LLPH: variants seen among roughly 807,000 people sequenced by gnomAD.
The protein encoded by LLPH is LLP homolog, long-term synaptic facilitation factor.
In LLPH, 5 loss-of-function variants were observed where a neutral mutation model predicts 13.3. That is an observed-to-expected ratio of 0.38 (90% CI 0.20 to 0.79). The LOEUF is 0.79. LLPH is among the 30% of genes least tolerant of loss of function. LLPH has a pLI of 0.45. For synonymous variants in LLPH, 32 were observed against 44.2 expected (o/e 0.72, Z 1.09); for missense variants, 129 against 152.1 (o/e 0.85, Z 0.80).
chr12:66,116,599 G>A lies in LLPH; in HGVS notation c.*7241C>T, dbSNP rs560360067. 3 of 152,230 alleles carry A rather than the reference G, an allele frequency of 2.0e-5. No homozygotes were observed. The South Asian group carries it at 6.2e-4, about 32-fold the overall frequency. 9.4% of individuals were successfully genotyped at this position (152,230 alleles called of 1,614,324 possible). On this transcript the variant is annotated 3_prime_UTR_variant, in exon 3 of 3. Coordinates refer to ENST00000266604, the MANE Select transcript of LLPH (RefSeq NM_032338.4). ...ATTACATGGATCAGAAATACCACATGTACTAACAGTTGCTGTACAATGATA... is the reference window on the plus strand; with the variant it reads ...ATTACATGGATCAGAAATACCACATATACTAACAGTTGCTGTACAATGATA...
rs1273299178 is a variant in LLPH at position 66,124,024 on chromosome 12, T to C, written c.212-6A>G. 3 of 1,589,354 alleles carry C rather than the reference T, an allele frequency of 1.9e-6. No homozygotes were observed. The highest frequency in any genetic ancestry group is 1.7e-6 in the Non-Finnish European group (2 of 1,168,558). On this transcript the variant is annotated splice_polypyrimidine_tract_variant and splice_region_variant and intron_variant, in intron 2 of 2. Transcript: ENST00000266604. ...AGTCTCCATTTTCATGTCATCTGCA[T>C]AAAAAGATGGAAAAACTATTAACAC... is the stretch of plus-strand genomic sequence containing the variant.
chr12:66,127,138 G>A (rs554353047), intron 2 of LLPH, among the ~76,000 whole-genome samples: 1 of 152,306 alleles, frequency 6.6e-6, no homozygotes, highest in East Asian at 1.9e-4. Flanking sequence ...GTAAAATAGT[G>A]TGGCTGATGT....
In LLPH at chr12:66,123,462, ACTTT is replaced by A. The variant is rs2051476728; in HGVS notation, c.*374_*377del. The stretch of plus-strand genomic sequence containing the variant: ...TTTTAAATGATATGATTATACAACA[ACTTT>A]CTTTAAAATCTAAGTTCACAAAAAT... On this transcript the variant is annotated 3_prime_UTR_variant, in exon 3 of 3. Transcript: ENST00000266604. The A allele has an allele frequency of 5.4e-6, 1 of 185,148 alleles. No homozygotes were observed. Among genetic ancestry groups the A allele is most frequent in the Non-Finnish European group, 1.1e-5 (1 of 89,540 alleles). The allele number at this position is 185,148 out of a possible 1,614,324, so 11.5% of individuals were successfully genotyped here.
intron 1 of LLPH, 39 bp from the exon 2 acceptor site, chr12:66,129,152 T>A: frequency 7.3e-7 from 1 of 1,365,084 alleles, no homozygotes. Flanking sequence ...AGCAAATCTT[T>A]AATATAAAAA....
rs2051474503 is a variant in LLPH, at chr12:66,123,159, CCTA to C, written c.*678_*680del. On this transcript the variant is annotated 3_prime_UTR_variant, in exon 3 of 3. Transcript: ENST00000266604. ...ATTTTTTTTTTTTTTGAGACAGAGT[CCTA>C]CTCCATTGCCCAGGGTGGAGTGCAG... 1 of 150,632 alleles carries C rather than the reference CCTA, an allele frequency of 6.6e-6. No individual in the cohort carries two copies. Among genetic ancestry groups the C allele is most frequent in the Admixed American group, 6.6e-5 (1 of 15,150 alleles). 9.3% of individuals were successfully genotyped at this position (150,632 alleles called of 1,614,324 possible).
rs544744013 is a variant in LLPH, at chr12:66,118,298, G to C, written c.*5542C>G. 2.0e-5 allele frequency: 3 copies of C among 151,096 alleles called. No individual in the cohort carries two copies. Among genetic ancestry groups the C allele is most frequent in the African/African-American group, 7.3e-5 (3 of 41,030 alleles). 9.4% of individuals were successfully genotyped at this position (151,096 alleles called of 1,614,324 possible). On this transcript the variant is annotated 3_prime_UTR_variant, in exon 3 of 3. Coordinates refer to ENST00000266604, the MANE Select transcript of LLPH (RefSeq NM_032338.4). ...GAATTGCTTGAACCCAGGAGGTGGA[G>C]GTTGAGGTGAGCTGAGATTGCGCCA...
At position 66,123,804 on chromosome 12, in the gene LLPH, T is replaced by C. The variant is rs767139886; in HGVS notation, c.*36A>G. 1 of 1,606,384 alleles carries C rather than the reference T, an allele frequency of 6.2e-7. No homozygotes were observed. The highest frequency in any genetic ancestry group is 2.2e-5 in the East Asian group (1 of 44,858). On this transcript the variant is annotated 3_prime_UTR_variant, in exon 3 of 3. Transcript: ENST00000266604. ...CATGTGTATACATTCTAATCCGTCATCTATCCCATGTGGCATTTTCCAAGG... is the reference window on the plus strand; with the variant it reads ...CATGTGTATACATTCTAATCCGTCACCTATCCCATGTGGCATTTTCCAAGG...
In LLPH at chr12:66,123,635, C is replaced by T; in HGVS notation, c.*205G>A. The T allele has an allele frequency of 1.7e-6, 1 of 587,178 alleles. No individual in the cohort carries two copies. Among genetic ancestry groups the T allele is most frequent in the Non-Finnish European group, 3.0e-6 (1 of 334,536 alleles). 36.4% of individuals were successfully genotyped at this position (587,178 alleles called of 1,614,324 possible). Reference sequence around the variant, plus strand: ...GCATCCAGTTAAAGTATCAGTAGAGCTTGGATGTATCAAAGAAAATATTTT... The same window carrying T: ...GCATCCAGTTAAAGTATCAGTAGAGTTTGGATGTATCAAAGAAAATATTTT... On this transcript the variant is annotated 3_prime_UTR_variant, in exon 3 of 3. Coordinates refer to ENST00000266604, the MANE Select transcript of LLPH (RefSeq NM_032338.4).
chr12:66,126,189 T>C (rs1223140926), intron 2 of LLPH, among the ~76,000 whole-genome samples: 1 of 151,848 alleles, frequency 6.6e-6, no homozygotes, highest in Non-Finnish European at 1.5e-5. Context: ...CCGGGTGTGA[T>C]CGCAGGCGCC....
intron 2 of LLPH, among the ~76,000 whole-genome samples, chr12:66,128,636 CAT>C: frequency 6.6e-6 from 1 of 152,206 alleles, no homozygotes; most frequent in East Asian, 1.9e-4. Context: ...TAATCCAAAA[CAT>C]ATGTATATAC....
chr12:66,130,421 C>T (rs10878383), intron 1 of LLPH: 46,755 of 152,100 alleles, frequency 0.31, 7,601 homozygotes, highest in South Asian at 0.41. Context: ...TAACTCAACC[C>T]TTGCGAGGGG....
rs2051460133 is a variant in LLPH at position 66,121,101 on chromosome 12, T to C, written c.*2739A>G. 1 of 152,098 alleles carries C rather than the reference T, an allele frequency of 6.6e-6. No homozygotes were observed. Among genetic ancestry groups the C allele is most frequent in the Admixed American group, 6.5e-5 (1 of 15,280 alleles). 9.4% of individuals were successfully genotyped at this position (152,098 alleles called of 1,614,324 possible). A position where few individuals can be genotyped will look rare whatever the true frequency, so the allele number is the denominator to read the frequency against. ...GGACAAACTTCATGACTGGACACAA[T>C]GAAGTGAAAATCCTAACATCAGAGA... On this transcript the variant is annotated 3_prime_UTR_variant, in exon 3 of 3. Transcript: ENST00000266604.
chr12:66,128,878 AAGG>A lies in LLPH; in HGVS notation c.211+15_211+17del. On this transcript the variant is annotated intron_variant, in intron 2 of 2. Coordinates refer to ENST00000266604, the MANE Select transcript of LLPH (RefSeq NM_032338.4). ...AAAAAAAAAAAAAAAGAGAAAGAAA[AAGG>A]AGAAGCACACTCACCTTTTTCATCT... 2 of 1,556,658 alleles carry A rather than the reference AAGG, an allele frequency of 1.3e-6. No homozygotes were observed. The highest frequency in any genetic ancestry group is 1.7e-6 in the Non-Finnish European group (2 of 1,148,116).
At position 66,121,349 on chromosome 12, in the gene LLPH, C is replaced by T. The variant is rs1171222065; in HGVS notation, c.*2491G>A. ...TCAGGCTGGAGTGCAATGGTGTGGTCTTGACTCACTGCAACCTCTGCCTCC... is the reference window on the plus strand; with the variant it reads ...TCAGGCTGGAGTGCAATGGTGTGGTTTTGACTCACTGCAACCTCTGCCTCC... On this transcript the variant is annotated 3_prime_UTR_variant, in exon 3 of 3. Coordinates refer to ENST00000266604, the MANE Select transcript of LLPH (RefSeq NM_032338.4). 2 of 137,740 alleles carry T rather than the reference C, an allele frequency of 1.5e-5. No homozygotes were observed. Among genetic ancestry groups the T allele is most frequent in the Admixed American group, 8.1e-5 (1 of 12,364 alleles). The allele number at this position is 137,740 out of a possible 1,614,324, so 8.5% of individuals were successfully genotyped here.
At chr12:66,128,868 GAGAA>G (rs2051514110) in intron 2 of LLPH, 24 bp downstream of exon 2, 11 of 1,000,454 alleles carry the variant, frequency 1.1e-5, no homozygotes, top group East Asian at 8.7e-5. Context: ...AAAAAAAAAA[GAGAA>G]AGAAAAAGGA....
In LLPH at chr12:66,121,711, CCT is replaced by C. The variant is rs1311122300; in HGVS notation, c.*2127_*2128del. On this transcript the variant is annotated 3_prime_UTR_variant, in exon 3 of 3. Coordinates refer to ENST00000266604, the MANE Select transcript of LLPH (RefSeq NM_032338.4). Reference sequence around the variant, plus strand: ...ACCAGCCTGGGCAACATGGCGAAACCCTGTCTCTACAAAAATACAAAAATTAG... The same window carrying C: ...ACCAGCCTGGGCAACATGGCGAAACCGTCTCTACAAAAATACAAAAATTAG... The C allele has an allele frequency of 1.3e-5, 2 of 151,254 alleles. No individual in the cohort carries two copies. The highest frequency in any genetic ancestry group is 2.9e-5 in the Non-Finnish European group (2 of 67,916). 9.4% of individuals were successfully genotyped at this position (151,254 alleles called of 1,614,324 possible).
rs1441489849 is a variant in LLPH, at chr12:66,122,580, A to AAAAGTAAAAT, written c.*1250_*1259dup. ...AATGCTAAGTTTAGATTGCTTAACT[A>AAAAGTAAAAT]AAAGTAAAATAAAAATGAATTTAGC... On this transcript the variant is annotated 3_prime_UTR_variant, in exon 3 of 3. Transcript: ENST00000266604. 2 of 152,228 alleles carry AAAAGTAAAAT rather than the reference A, an allele frequency of 1.3e-5. No individual in the cohort carries two copies. Among genetic ancestry groups the AAAAGTAAAAT allele is most frequent in the Non-Finnish European group, 2.9e-5 (2 of 68,046 alleles). 9.4% of individuals were successfully genotyped at this position (152,228 alleles called of 1,614,324 possible). A position where few individuals can be genotyped will look rare whatever the true frequency, so the allele number is the denominator to read the frequency against.
rs2051516265 is a variant in LLPH, at chr12:66,129,036, T to G, written c.71A>C (p.Lys24Thr). Residue 24 changes from lysine to threonine, a missense_variant, in exon 2 of 3, where the codon AAG becomes ACG. Lys to Thr is a moderately conservative substitution (Grantham distance 78). Coordinates refer to ENST00000266604, the MANE Select transcript of LLPH (RefSeq NM_032338.4). ...AATACTTTTAAGCCTGCTGGCCTCC[T>G]TTGGGGCATTCTTTTTTCTCTTTTC... ...RAEKRKKNAP[K>T]EASRLKSILK... 6.2e-7 allele frequency: 1 copy of G among 1,611,264 alleles called. No individual in the cohort carries two copies.
chr12:66,123,561 T>A lies in LLPH; in HGVS notation c.*279A>T. On this transcript the variant is annotated 3_prime_UTR_variant, in exon 3 of 3. Coordinates refer to ENST00000266604, the MANE Select transcript of LLPH (RefSeq NM_032338.4). Reference sequence around the variant, plus strand: ...AGTTGTAAGAACAATTCTAACCATATTAATACCTGACAGAACGTTGAGGCC... The same window carrying A: ...AGTTGTAAGAACAATTCTAACCATAATAATACCTGACAGAACGTTGAGGCC... 4.9e-6 allele frequency: 2 copies of A among 410,198 alleles called. No homozygotes were observed. The highest frequency in any genetic ancestry group is 4.3e-6 in the Non-Finnish European group (1 of 230,826). 25.4% of individuals were successfully genotyped at this position (410,198 alleles called of 1,614,324 possible).
Sources: gnomAD v4.1 joint callset for allele counts (sites outside exome capture counted in the v4.1 genomes callset) on GRCh38, gnomAD v4.1.1 for gene constraint, MANE v1.5 for transcripts, NCBI Gene and HGNC (gene_info 2026-07-23, HGNC 2026-07-21) for gene names.